The following BBOF1 variants were observed in gnomAD, a reference collection of about 807,000 sequenced individuals.
The protein encoded by BBOF1 is basal body orientation factor 1, also known as basal body-orientation factor 1.
In BBOF1, 62 loss-of-function variants were observed where a neutral mutation model predicts 68.0. That is an observed-to-expected ratio of 0.91 (90% CI 0.74 to 1.13). The LOEUF is 1.13. Ranked by LOEUF, BBOF1 falls within the 50% of genes most tolerant of loss-of-function variation. The probability of loss-of-function intolerance (pLI) is 0.00; values close to 1 mark genes in which losing one functional copy is unlikely to be tolerated. For synonymous variants in BBOF1, 208 were observed against 198.8 expected, an observed-to-expected ratio of 1.05 and a Z score of -0.39; for missense variants, 534 against 600.1, an observed-to-expected ratio of 0.89 and a Z score of 1.15.
chr14:74,049,878 A>T lies in BBOF1; in HGVS notation c.969A>T (p.Ala323=), dbSNP rs2060027860. Residue 323 remains alanine, a synonymous_variant, in exon 8 of 12, where the codon GCA becomes GCT. Coordinates refer to ENST00000394009, the MANE Select transcript of BBOF1 (RefSeq NM_025057.3). ...AACACGCAATGATAGAGAACCAAGC[A>T]GGTCAGGTAGAAATTGACAAGCTGC... The part of the protein sequence containing the change: ...LQQHAMIENQ[A]GQVEIDKLQH... 1 of 1,614,202 alleles carries T rather than the reference A, an allele frequency of 6.2e-7. No individual in the cohort carries two copies.
At chr14:74,043,536 A>G (rs1320360241) in intron 5 of BBOF1, among the ~76,000 whole-genome samples, 3 of 133,120 alleles carry the variant, frequency 2.3e-5, no homozygotes, top group Non-Finnish European at 3.1e-5. Flanking sequence ...CGGCCTGGGC[A>G]ACAGAGCGAG....
intron 2 of BBOF1, among the ~76,000 whole-genome samples, chr14:74,027,973 AAT>A (rs2059472034): frequency 6.6e-6 from 1 of 152,230 alleles, no homozygotes; most frequent in Non-Finnish European, 1.5e-5. Context: ...GCAGAATTTA[AAT>A]ATAGAGTATA....
intron 5 of BBOF1, among the ~76,000 whole-genome samples, chr14:74,045,305 A>AT (rs1232526110): frequency 7.6e-6 from 1 of 132,314 alleles, no homozygotes; most frequent in Non-Finnish European, 1.6e-5. Context: ...TCATAGTATT[A>AT]TTTTTTATTT....
chr14:74,062,436 T>C (rs2060367356), intron 11 of BBOF1, among the ~76,000 whole-genome samples: 1 of 152,092 alleles, frequency 6.6e-6, no homozygotes, highest in Non-Finnish European at 1.5e-5. Flanking sequence ...ACCCCGTCTC[T>C]ACTACAAATA....
At chr14:74,066,329 A>G (rs1213162179), downstream of BBOF1, among the ~76,000 whole-genome samples, 1 of 152,246 alleles carries the variant, frequency 6.6e-6, no homozygotes, top group Non-Finnish European at 1.5e-5. Flanking sequence ...AAAAAAATTA[A>G]TCATATATAA....
At chr14:74,053,381 G>A (rs2060113168) in intron 8 of BBOF1, among the ~76,000 whole-genome samples, 1 of 151,536 alleles carries the variant, frequency 6.6e-6, no homozygotes, top group Non-Finnish European at 1.5e-5. Flanking sequence ...AAAGTGCTGG[G>A]ATTACAGGTG....
At chr14:74,036,386 C>G (rs746755086) in intron 4 of BBOF1, among the ~76,000 whole-genome samples, 1 of 152,028 alleles carries the variant, frequency 6.6e-6, no homozygotes, top group Non-Finnish European at 1.5e-5. Context: ...TCACGTCCTT[C>G]AAGAGTTGTC....
At position 74,064,796 on chromosome 14, in the gene BBOF1, G is replaced by T; in HGVS notation, c.*97G>T. 6.2e-7 allele frequency: 1 copy of T among 1,612,778 alleles called. No individual in the cohort carries two copies. Among genetic ancestry groups the T allele is most frequent in the Non-Finnish European group, 8.5e-7 (1 of 1,178,854 alleles). The stretch of plus-strand genomic sequence containing the variant: ...TTTAAGAAAATTTCTTAAAGGAAAA[G>T]ACAAAAAATTTAACTCAAAAGTTAC... On this transcript the variant is annotated 3_prime_UTR_variant, in exon 12 of 12. Transcript: ENST00000394009.
chr14:74,065,011 C>T lies in BBOF1; in HGVS notation c.*312C>T. The stretch of plus-strand genomic sequence containing the variant: ...GCATCAGAGACCAGTTTTAAATACC[C>T]ACCTTCTACCCTATCCTCTACCCCA... On this transcript the variant is annotated 3_prime_UTR_variant, in exon 12 of 12. Coordinates refer to ENST00000394009, the MANE Select transcript of BBOF1 (RefSeq NM_025057.3). The T allele has an allele frequency of 9.4e-6, 13 of 1,377,206 alleles. No individual in the cohort carries two copies. The highest frequency in any genetic ancestry group is 1.2e-5 in the Non-Finnish European group (12 of 981,292). The allele number at this position is 1,377,206 out of a possible 1,614,324, so 85.3% of individuals were successfully genotyped here. A position where few individuals can be genotyped will look rare whatever the true frequency, so the allele number is the denominator to read the frequency against.
At chr14:74,020,331 T>C (rs1458340694) in intron 1 of BBOF1, among the ~76,000 whole-genome samples, 1 of 152,120 alleles carries the variant, frequency 6.6e-6, no homozygotes, top group African/African-American at 2.4e-5. Flanking sequence ...CACTAACATA[T>C]GTTTTCAGAT....
downstream of BBOF1, chr14:74,068,902 G>A (rs758950271): frequency 5.0e-6 from 8 of 1,613,920 alleles, no homozygotes; most frequent in Admixed American, 5.0e-5. Flanking sequence ...ATCCTCTCTC[G>A]AAGATATACT....
intron 2 of BBOF1, among the ~76,000 whole-genome samples, chr14:74,025,571 T>A (rs2059404840): frequency 6.6e-6 from 1 of 152,206 alleles, no homozygotes; most frequent in Admixed American, 6.6e-5. Flanking sequence ...CTTAAGAGAA[T>A]TTAATGCTGT....
At chr14:74,040,394 T>C (rs1330106261) in intron 4 of BBOF1, among the ~76,000 whole-genome samples, 171 bp from the exon 5 acceptor site, 2 of 152,180 alleles carry the variant, frequency 1.3e-5, no homozygotes, top group South Asian at 2.1e-4. Flanking sequence ...CTGTAGAAGA[T>C]TGAGGGAAAT....
At chr14:74,053,301 C>T (rs1313313196) in intron 8 of BBOF1, among the ~76,000 whole-genome samples, 1 of 148,628 alleles carries the variant, frequency 6.7e-6, no homozygotes, top group Non-Finnish European at 1.5e-5. Flanking sequence ...TTAGTAGAGA[C>T]GGGGTTTCAC....
chr14:74,035,778 T>TGGATGACTTCACCC (rs980653956), intron 4 of BBOF1, among the ~76,000 whole-genome samples: 1 of 151,802 alleles, frequency 6.6e-6, no homozygotes. Flanking sequence ...TATAACTTGG[T>TGGATGACTTCACCC]GGATGACTTC....
Position 74,022,955 on chromosome 14 carries a change from C to G in BBOF1, c.96C>G (p.Ala32=). The G allele has an allele frequency of 9.3e-6, 15 of 1,613,284 alleles. No individual in the cohort carries two copies. The highest frequency in any genetic ancestry group is 1.3e-5 in the Non-Finnish European group (15 of 1,179,578). The change falls in exon 2 of 12, where the codon GCC becomes GCG. Residue 32 remains alanine, a synonymous_variant. Transcript: ENST00000394009. ...IKTDESVVDR[A]KANASLWEAR... Reference sequence around the variant, plus strand: ...CAGATGAATCTGTGGTGGACAGAGCCAAGGCCAATGCCTCCCTTTGGGAGG... The same window carrying G: ...CAGATGAATCTGTGGTGGACAGAGCGAAGGCCAATGCCTCCCTTTGGGAGG...
Position 74,055,625 on chromosome 14 carries a change from G to A in BBOF1, c.1328G>A (p.Trp443Ter), listed in dbSNP as rs1219601048. ...AATGTGGATATTGGAGATTTGACCTGGGAGCAGAAGGAAAAAGTATTGCGA... is the reference window on the plus strand; with the variant it reads ...AATGTGGATATTGGAGATTTGACCTAGGAGCAGAAGGAAAAAGTATTGCGA... ...EGNVDIGDLT[W>*]EQKEKVLRLL... The change falls in exon 9 of 12, where the codon TGG (tryptophan) becomes TAG (stop). Residue 443 changes from tryptophan (W) to a stop codon, truncating the protein, a stop_gained. Transcript: ENST00000394009. LOFTEE classifies it high-confidence loss of function. 3.1e-6 allele frequency: 5 copies of A among 1,613,764 alleles called. No homozygotes were observed. In the East Asian group the frequency reaches 6.7e-5, roughly 22 times the overall value.
intron 2 of BBOF1, among the ~76,000 whole-genome samples, chr14:74,026,140 C>CA (rs372178821): frequency 0.18 from 21,016 of 114,214 alleles, 1,719 homozygotes; most frequent in Admixed American, 0.28. Context: ...GACTCTGTCT[C>CA]AAAAAAAAAA....
At chr14:74,048,194 G>T in intron 7 of BBOF1, 120 bp downstream of exon 7, 1 of 883,292 alleles carries the variant, frequency 1.1e-6, no homozygotes, top group Non-Finnish European at 1.7e-6. Flanking sequence ...TCATCTGTCT[G>T]GATGATGCAC....
Sources: allele counts gnomAD v4.1 joint callset (sites outside exome capture counted in the v4.1 genomes callset), GRCh38; gene constraint gnomAD v4.1.1; transcripts MANE v1.5; gene names NCBI Gene and HGNC (gene_info 2026-07-23, HGNC 2026-07-21).